CAMK2B: variants seen among roughly 807,000 people sequenced by gnomAD.
The protein encoded by CAMK2B is calcium/calmodulin-dependent protein kinase type II subunit beta.
A neutral mutation model predicts 93.7 loss-of-function variants in CAMK2B; 27 were observed. The observed-to-expected ratio is 0.29, with a 90% CI of 0.21 to 0.40. CAMK2B has a LOEUF of 0.40. Among genes scored for constraint, CAMK2B ranks in the 10% least tolerant of loss-of-function variants. The pLI is 1.00. For missense variants in CAMK2B, 568 were observed against 895.8 expected (o/e 0.63, Z 4.67); for synonymous variants, 374 against 358.8 (o/e 1.04, Z -0.48).
chr7:44,276,487 G>C (rs986670245), intron 2 of CAMK2B, among the ~76,000 whole-genome samples: 1 of 152,174 alleles, frequency 6.6e-6, no homozygotes, highest in Non-Finnish European at 1.5e-5. Context: ...CTGGGGAAAG[G>C]GGGGGCGTGC....
At chr7:44,277,637 C>T (rs1215600953) in intron 2 of CAMK2B, among the ~76,000 whole-genome samples, 1 of 152,244 alleles carries the variant, frequency 6.6e-6, no homozygotes, top group African/African-American at 2.4e-5. Context: ...AGACCCAAAT[C>T]AGGGGTGAAA....
chr7:44,291,238 G>A (rs928085303), intron 1 of CAMK2B, among the ~76,000 whole-genome samples: 4 of 152,204 alleles, frequency 2.6e-5, no homozygotes, highest in Admixed American at 6.5e-5. Flanking sequence ...TTGGGGTTCC[G>A]CCAAGGGGGG....
At chr7:44,265,295 T>C (rs2096913353) in intron 2 of CAMK2B, among the ~76,000 whole-genome samples, 1 of 152,146 alleles carries the variant, frequency 6.6e-6, no homozygotes, top group Non-Finnish European at 1.5e-5. Flanking sequence ...AGGTCCCAGA[T>C]TCAGTAAATC....
At chr7:44,256,714 G>C (rs147736914) in intron 4 of CAMK2B, among the ~76,000 whole-genome samples, 280 of 152,370 alleles carry the variant, frequency 1.8e-3, no homozygotes, top group African/African-American at 6.3e-3. Flanking sequence ...TTACGGTCTT[G>C]AGCCAGGGCT....
chr7:44,253,358 C>T (rs556596281), intron 5 of CAMK2B, among the ~76,000 whole-genome samples: 125 of 152,040 alleles, frequency 8.2e-4, no homozygotes, highest in African/African-American at 2.9e-3. Flanking sequence ...GGATTACAGG[C>T]ATGCGCCACC....
intron 13 of CAMK2B, among the ~76,000 whole-genome samples, chr7:44,239,348 G>A (rs867849541): frequency 2.2e-4 from 33 of 152,216 alleles, no homozygotes; most frequent in African/African-American, 7.7e-4. Flanking sequence ...AGGGCTTGGT[G>A]TAGCCCAGGG....
intron 21 of CAMK2B, 40 bp from the exon 22 acceptor site, chr7:44,220,750 C>T (rs1297984109): frequency 6.3e-7 from 1 of 1,582,278 alleles, no homozygotes; most frequent in Non-Finnish European, 8.6e-7. Flanking sequence ...CCCGTGGACC[C>T]CTGACTCTGA....
chr7:44,221,050 C>T (rs117169961), intron 20 of CAMK2B, 149 bp from the exon 21 acceptor site: 29 of 622,056 alleles, frequency 4.7e-5, no homozygotes, highest in Middle Eastern at 8.4e-4. Context: ...TCTCCGCCGC[C>T]CCCCCTGCAT....
intron 1 of CAMK2B, among the ~76,000 whole-genome samples, chr7:44,319,525 A>C (rs1399052967): frequency 2.0e-5 from 3 of 152,174 alleles, no homozygotes; most frequent in Non-Finnish European, 4.4e-5. Context: ...TAGGTCCTTC[A>C]GTTCTTTCAA....
chr7:44,273,475 C>T (rs2096995146), intron 2 of CAMK2B, among the ~76,000 whole-genome samples: 1 of 152,154 alleles, frequency 6.6e-6, no homozygotes, highest in Admixed American at 6.5e-5. Context: ...ACAACGGTGG[C>T]CCCCCACAGG....
At chr7:44,324,624 C>T (rs961062011) in intron 1 of CAMK2B, among the ~76,000 whole-genome samples, 10 of 152,104 alleles carry the variant, frequency 6.6e-5, no homozygotes, top group African/African-American at 2.2e-4. Context: ...CCCCCGCCAA[C>T]AGTCCAAAAT....
At chr7:44,310,741 G>A (rs1239136492) in intron 1 of CAMK2B, among the ~76,000 whole-genome samples, 1 of 152,200 alleles carries the variant, frequency 6.6e-6, no homozygotes, top group Non-Finnish European at 1.5e-5. Context: ...CCCTAAAGTT[G>A]TCAAATTCAT....
chr7:44,291,439 A>G (rs116773305), intron 1 of CAMK2B, among the ~76,000 whole-genome samples: 86 of 152,254 alleles, frequency 5.6e-4, no homozygotes, highest in African/African-American at 2.0e-3. Context: ...CCCAGGGCCC[A>G]GGCATCCTGG....
chr7:44,228,844 G>T lies in CAMK2B; in HGVS notation c.1420C>A (p.Pro474Thr), dbSNP rs772443083. 8.7e-6 allele frequency: 13 copies of T among 1,500,894 alleles called. No homozygotes were observed. Among genetic ancestry groups the T allele is most frequent in the Non-Finnish European group, 1.2e-5 (13 of 1,123,716 alleles). The allele number at this position is 1,500,894 out of a possible 1,614,324, so 93.0% of individuals were successfully genotyped here. ...PEAEGPLSAG[P>T]PPCLSPALLG... Reference sequence around the variant, plus strand: ...AGAGCCGGAGACAGGCAGGGCGGGGGCCCCGCTGAGAGGGGGCCCTCGGCT... The same window carrying T: ...AGAGCCGGAGACAGGCAGGGCGGGGTCCCCGCTGAGAGGGGGCCCTCGGCT... Residue 474 changes from proline (P) to threonine (T), a missense_variant, in exon 19 of 24, where the codon CCC becomes ACC. Physicochemically the swap from Pro to Thr is conservative, Grantham distance 38 (BLOSUM62 -1). Around this residue, in one of 4 missense-constraint regions of CAMK2B, gnomAD observed 308 missense variants for 292.1 expected, o/e 1.05. Coordinates refer to ENST00000395749, the MANE Select transcript of CAMK2B (RefSeq NM_001220.5).
chr7:44,261,024 C>A (rs1381747964), intron 3 of CAMK2B, among the ~76,000 whole-genome samples: 5 of 152,220 alleles, frequency 3.3e-5, no homozygotes, highest in Admixed American at 6.5e-5. Context: ...TCCCTCTCAC[C>A]CCTCTCTGGC....
In CAMK2B at chr7:44,325,338, C is replaced by G; in HGVS notation, c.65+19G>C. ...CCTCTGGGGTCCCCGGCCCAGCCCG[C>G]GCGCGCCGCTGCTCTTACTTGCCAA... On this transcript the variant is annotated intron_variant, in intron 1 of 23. Coordinates refer to ENST00000395749, the MANE Select transcript of CAMK2B (RefSeq NM_001220.5). The G allele has an allele frequency of 8.1e-7, 1 of 1,229,352 alleles. No homozygotes were observed. The highest frequency in any genetic ancestry group is 1.0e-6 in the Non-Finnish European group (1 of 956,586). The allele number at this position is 1,229,352 out of a possible 1,614,324, so 76.2% of individuals were successfully genotyped here. A position where few individuals can be genotyped will look rare whatever the true frequency, so the allele number is the denominator to read the frequency against.
chr7:44,242,264 G>T lies in CAMK2B; in HGVS notation c.773C>A (p.Ala258Asp), dbSNP rs760887147. 1.2e-6 allele frequency: 2 copies of T among 1,614,110 alleles called. No individual in the cohort carries two copies. Among genetic ancestry groups the T allele is most frequent in the South Asian group, 2.2e-5 (2 of 91,084 alleles). Residue 258 changes from alanine to aspartate, a missense_variant, in exon 10 of 24, where the codon GCC becomes GAC. Physicochemically the swap from Ala to Asp is moderately radical, Grantham distance 126 (BLOSUM62 -2). Coordinates refer to ENST00000395749, the MANE Select transcript of CAMK2B (RefSeq NM_001220.5). The part of the protein sequence containing the change: ...LINQMLTINP[A>D]KRITAHEALK... ...GGCCTCATGGGCTGTGATGCGCTTG[G>T]CAGGGTTGATGGTCAGCATCTGGTT...
chr7:44,289,157 C>T (rs548778768), intron 1 of CAMK2B, among the ~76,000 whole-genome samples: 5 of 152,296 alleles, frequency 3.3e-5, no homozygotes, highest in East Asian at 3.9e-4. Flanking sequence ...CACTTGCAAC[C>T]GGCCACCAGT....
chr7:44,282,906 C>T (rs935262373), intron 2 of CAMK2B, among the ~76,000 whole-genome samples: 1 of 152,234 alleles, frequency 6.6e-6, no homozygotes, highest in Non-Finnish European at 1.5e-5. Context: ...CAGATTTGTG[C>T]CTGGATGCTA....
Sources: gnomAD v4.1 joint callset for allele counts (sites outside exome capture counted in the v4.1 genomes callset) on GRCh38, gnomAD v4.1.1 for gene constraint, gnomAD v4.1.1 regional missense constraint, MANE v1.5 for transcripts, NCBI Gene and HGNC (gene_info 2026-07-23, HGNC 2026-07-21) for gene names.